The following TMC1 variants were observed in gnomAD, a reference collection of about 807,000 sequenced individuals.
TMC1 encodes the protein transmembrane channel-like protein 1.
TMC1 carries 84 observed loss-of-function variants against 105.8 expected under a neutral mutation model. That is an observed-to-expected ratio of 0.79 (90% CI 0.67 to 0.95). The LOEUF is 0.95. Ranked by LOEUF, TMC1 falls within the 40% of genes least tolerant of loss-of-function variation. The probability of loss-of-function intolerance (pLI) is 0.00; values close to 1 mark genes in which losing one functional copy is unlikely to be tolerated. For missense variants in TMC1, 817 were observed against 914.1 expected (o/e 0.89, Z 1.37); for synonymous variants, 315 against 311.5 (o/e 1.01, Z -0.12).
chr9:72,614,986 A>C (rs140438676), intron 2 of TMC1, among the ~76,000 whole-genome samples: 480 of 152,286 alleles, frequency 3.2e-3, no homozygotes, highest in African/African-American at 0.011. Context: ...AGCCAGTTAT[A>C]GGATAGCTTC....
At position 72,837,424 on chromosome 9, in the gene TMC1, G is replaced by A. The variant is rs1054051155; in HGVS notation, c.*1451G>A. 3 of 152,154 alleles carry A rather than the reference G, an allele frequency of 2.0e-5. No individual in the cohort carries two copies. Among genetic ancestry groups the A allele is most frequent in the African/African-American group, 4.8e-5 (2 of 41,414 alleles). The allele number at this position is 152,154 out of a possible 1,614,324, so 9.4% of individuals were successfully genotyped here. ...CTGACATTCCTGTGGGATGGGTGGT[G>A]GGGGGCCTCTCTTGCCCTGCTTATG... On this transcript the variant is annotated 3_prime_UTR_variant, in exon 24 of 24. Transcript: ENST00000297784.
intron 8 of TMC1, among the ~76,000 whole-genome samples, chr9:72,721,166 T>C (rs1008408873): frequency 6.6e-6 from 1 of 152,232 alleles, no homozygotes; most frequent in Non-Finnish European, 1.5e-5. Context: ...AGAAAAGCTC[T>C]CTGCCTCTTC....
chr9:72,700,438 T>C (rs892960156), intron 7 of TMC1, 80 bp from the exon 8 acceptor site: 2 of 1,245,822 alleles, frequency 1.6e-6, no homozygotes, highest in Non-Finnish European at 2.2e-6. Context: ...ATGAGCTAAA[T>C]ATCTGATACC....
intron 1 of TMC1, among the ~76,000 whole-genome samples, chr9:72,556,128 T>G (rs1398259837): frequency 6.6e-6 from 1 of 151,764 alleles, no homozygotes; most frequent in African/African-American, 2.4e-5. Context: ...ATTTTTTTTT[T>G]TTTTTGAGAC....
Position 72,821,026 on chromosome 9 carries a change from C to T in TMC1, c.1948C>T (p.Pro650Ser), listed in dbSNP as rs1169933015. Residue 650 changes from proline to serine, a missense_variant, in exon 20 of 24, where the codon CCT becomes TCT. Physicochemically the swap from Pro to Ser is moderately conservative, Grantham distance 74. Coordinates refer to ENST00000297784, the MANE Select transcript of TMC1 (RefSeq NM_138691.3). ...LLLILFLSTM[P>S]VLYMIVSLPP... ...GCTCATCCTCTTCCTGTCCACAATG[C>T]CTGTCTTGTACATGATCGTGTCCCT... The T allele has an allele frequency of 1.2e-6, 2 of 1,614,166 alleles. No homozygotes were observed. Among genetic ancestry groups the T allele is most frequent in the Non-Finnish European group, 1.7e-6 (2 of 1,180,020 alleles).
intron 5 of TMC1, among the ~76,000 whole-genome samples, chr9:72,650,598 G>A (rs1451786285): frequency 1.3e-5 from 2 of 151,698 alleles, no homozygotes; most frequent in East Asian, 3.9e-4. Context: ...TTCACACCCA[G>A]GTACCTATGT....
intron 8 of TMC1, among the ~76,000 whole-genome samples, chr9:72,705,612 C>T (rs1347969774): frequency 2.6e-5 from 4 of 152,210 alleles, no homozygotes; most frequent in African/African-American, 7.2e-5. Flanking sequence ...AGAAAGAATG[C>T]TTCTGTGGCT....
intron 1 of TMC1, among the ~76,000 whole-genome samples, chr9:72,544,515 T>G (rs1175373674): frequency 2.0e-5 from 3 of 150,618 alleles, no homozygotes; most frequent in Non-Finnish European, 4.4e-5. Context: ...GTCTTGCTCT[T>G]GTTTTCCAGG....
At chr9:72,701,002 G>T (rs1247724496) in intron 8 of TMC1, among the ~76,000 whole-genome samples, 2 of 151,782 alleles carry the variant, frequency 1.3e-5, no homozygotes, top group African/African-American at 2.4e-5. Flanking sequence ...AAATTCTTTG[G>T]TCATCTTTAA....
chr9:72,617,846 T>C (rs917206056), intron 3 of TMC1, among the ~76,000 whole-genome samples: 2 of 151,376 alleles, frequency 1.3e-5, no homozygotes, highest in African/African-American at 4.9e-5. Flanking sequence ...CGCTGTTAAG[T>C]GAAAGAGCAA....
intron 10 of TMC1, among the ~76,000 whole-genome samples, chr9:72,748,167 A>G (rs1195620845): frequency 6.6e-6 from 1 of 152,222 alleles, no homozygotes; most frequent in Non-Finnish European, 1.5e-5. Context: ...TTGGAGTCAA[A>G]CACCTGTAGC....
intron 10 of TMC1, among the ~76,000 whole-genome samples, chr9:72,744,926 A>G (rs1301192486): frequency 6.6e-6 from 1 of 152,228 alleles, no homozygotes; most frequent in African/African-American, 2.4e-5. Context: ...AGTAGAAAAG[A>G]CAGATTGAGA....
intron 10 of TMC1, among the ~76,000 whole-genome samples, chr9:72,744,352 T>G (rs953502798): frequency 6.6e-6 from 1 of 152,216 alleles, no homozygotes; most frequent in Non-Finnish European, 1.5e-5. Flanking sequence ...TGGCACTTAA[T>G]AAATATGTAT....
intron 15 of TMC1, 84 bp from the exon 16 acceptor site, chr9:72,791,802 C>A: frequency 1.7e-6 from 2 of 1,163,716 alleles, no homozygotes; most frequent in Non-Finnish European, 2.6e-6. Flanking sequence ...AGAAGCCTAG[C>A]TCAGAATCTT....
intron 12 of TMC1, among the ~76,000 whole-genome samples, chr9:72,770,862 T>C (rs1352451781): frequency 6.6e-6 from 1 of 151,996 alleles, no homozygotes; most frequent in African/African-American, 2.4e-5. Context: ...AAGGAGCAAA[T>C]CCCTCCTTCT....
chr9:72,835,297 C>T (rs534365494), intron 23 of TMC1, among the ~76,000 whole-genome samples: 1 of 152,332 alleles, frequency 6.6e-6, no homozygotes, highest in African/African-American at 2.4e-5. Flanking sequence ...GTTCATCCCA[C>T]AGTGCTTACC....
chr9:72,540,663 T>A (rs1823659991), intron 1 of TMC1, among the ~76,000 whole-genome samples: 1 of 152,182 alleles, frequency 6.6e-6, no homozygotes, highest in African/African-American at 2.4e-5. Context: ...TCCCTAGTCA[T>A]GATTCCCAGA....
In TMC1 at chr9:72,730,179, A is replaced by C. The variant is rs1283289233; in HGVS notation, c.363-9940A>C. On this transcript the variant is annotated intron_variant, in intron 8 of 23. Transcript: ENST00000297784. ...TAGGTCATAGAATTTCTTTATGGCC[A>C]CCTTCTAGACAGAAAGGTAGAGAAG... 2.0e-5 allele frequency among the ~76,000 whole-genome samples: 3 copies of C among 152,164 alleles called. No homozygotes were observed. In the East Asian group the frequency reaches 5.8e-4, roughly 29 times the overall value.
chr9:72,560,971 C>T (rs1250783345), intron 1 of TMC1, among the ~76,000 whole-genome samples: 1 of 152,022 alleles, frequency 6.6e-6, no homozygotes, highest in Non-Finnish European at 1.5e-5. Context: ...GACTATTTCC[C>T]ATTCTATACA....
Sources: allele counts gnomAD v4.1 joint callset (sites outside exome capture counted in the v4.1 genomes callset), GRCh38; gene constraint gnomAD v4.1.1; transcripts MANE v1.5; gene names NCBI Gene and HGNC (gene_info 2026-07-23, HGNC 2026-07-21).